TBC1D32: variants seen among roughly 807,000 people sequenced by gnomAD.
TBC1D32 encodes the protein protein broad-minded.
Under a neutral mutation model 170.3 loss-of-function variants are expected in TBC1D32, and 151 were observed. The observed-to-expected ratio is 0.89, with a 90% confidence interval of 0.78 to 1.01. TBC1D32 has a LOEUF of 1.01. Ranked by LOEUF, TBC1D32 falls within the 50% of genes least tolerant of loss-of-function variation. TBC1D32 has a pLI of 0.00. For missense variants in TBC1D32, 1,464 were observed against 1,457.1 expected, an observed-to-expected ratio of 1.00 and a Z score of -0.08; for synonymous variants, 498 against 488.0, an observed-to-expected ratio of 1.02 and a Z score of -0.27.
intron 17 of TBC1D32, among the ~76,000 whole-genome samples, chr6:121,244,512 T>C (rs1797373009): frequency 6.6e-6 from 1 of 152,160 alleles, no homozygotes; most frequent in African/African-American, 2.4e-5. Flanking sequence ...TTCAGGCCAC[T>C]GAGGTAAAGT....
At chr6:121,092,058 T>A (rs1048282290) in intron 30 of TBC1D32, among the ~76,000 whole-genome samples, 1 of 152,250 alleles carries the variant, frequency 6.6e-6, no homozygotes, top group South Asian at 2.1e-4. Context: ...CCTTAGCAAC[T>A]ATGGAGTGAA....
At chr6:121,106,886 T>G in intron 29 of TBC1D32, among the ~76,000 whole-genome samples, 1 of 151,990 alleles carries the variant, frequency 6.6e-6, no homozygotes, top group Non-Finnish European at 1.5e-5. Flanking sequence ...AATTTAGTTC[T>G]TAGGCACAAT....
chr6:121,311,765 G>A (rs1365351560), intron 3 of TBC1D32, among the ~76,000 whole-genome samples: 1 of 151,964 alleles, frequency 6.6e-6, no homozygotes, highest in Non-Finnish European at 1.5e-5. Flanking sequence ...ACAGATTCTG[G>A]CAAGGCTGTG....
intron 15 of TBC1D32, among the ~76,000 whole-genome samples, chr6:121,257,724 T>A (rs4946557): frequency 0.033 from 4,993 of 152,120 alleles, 194 homozygotes; most frequent in East Asian, 0.12. Context: ...AAACCCATGT[T>A]TTTTTTTATA....
chr6:121,093,135 T>C (rs528130110), intron 30 of TBC1D32, among the ~76,000 whole-genome samples: 117 of 152,242 alleles, frequency 7.7e-4, no homozygotes, highest in African/African-American at 2.7e-3. Flanking sequence ...ATATATTAAA[T>C]TCTCCTTGGT....
intron 22 of TBC1D32, among the ~76,000 whole-genome samples, chr6:121,200,777 G>A (rs1024715823): frequency 2.0e-5 from 3 of 151,472 alleles, no homozygotes; most frequent in Non-Finnish European, 2.9e-5. Context: ...TGTGTTGAAG[G>A]ATGGGTTGAA....
chr6:121,174,420 C>A (rs1468335514), intron 22 of TBC1D32, among the ~76,000 whole-genome samples: 2 of 152,030 alleles, frequency 1.3e-5, no homozygotes, highest in African/African-American at 4.8e-5. Flanking sequence ...TAAACTGAAT[C>A]AAAAGAGTCA....
At chr6:121,122,301 T>TC (rs1476118568) in intron 26 of TBC1D32, among the ~76,000 whole-genome samples, 1 of 152,014 alleles carries the variant, frequency 6.6e-6, no homozygotes, top group African/African-American at 2.4e-5. Context: ...TCGTTTCTCT[T>TC]CCTTCAGTCA....
At chr6:121,308,248 CT>C in intron 4 of TBC1D32, 147 bp from the exon 5 acceptor site, 1 of 795,600 alleles carries the variant, frequency 1.3e-6, no homozygotes, top group Non-Finnish European at 1.9e-6. Flanking sequence ...TTAAAAAGCT[CT>C]TGAGAAATCA....
At chr6:121,331,475 C>A (rs1811211438) in intron 1 of TBC1D32, among the ~76,000 whole-genome samples, 1 of 151,904 alleles carries the variant, frequency 6.6e-6, no homozygotes, top group Non-Finnish European at 1.5e-5. Flanking sequence ...CTGCCTTGGC[C>A]TCTCAAAGTG....
intron 22 of TBC1D32, chr6:121,170,488 GAGA>G: frequency 6.2e-7 from 1 of 1,606,866 alleles, no homozygotes; most frequent in East Asian, 2.2e-5. Context: ...CCTCTAACAG[GAGA>G]AGAGTGTCCA....
intron 19 of TBC1D32, 87 bp from the exon 20 acceptor site, chr6:121,239,275 C>G (rs1385261662): frequency 1.4e-6 from 1 of 701,656 alleles, no homozygotes; most frequent in Admixed American, 2.1e-5. Context: ...TCTGATGAAT[C>G]TGGTCTACTC....
At chr6:121,209,307 TG>T (rs1369238303) in intron 21 of TBC1D32, among the ~76,000 whole-genome samples, 1 of 152,152 alleles carries the variant, frequency 6.6e-6, no homozygotes, top group Non-Finnish European at 1.5e-5. Flanking sequence ...CCTGCCTTAT[TG>T]ATTAGTGTGT....
In TBC1D32 at chr6:121,292,090, G is replaced by A; in HGVS notation, c.1335C>T (p.Gly445=). Reference sequence around the variant, plus strand: ...TCAGCTTAATAGGAAATAGTTTTCTGCCTTGTTTATAGATCAATAATCTTC... The same window carrying A: ...TCAGCTTAATAGGAAATAGTTTTCTACCTTGTTTATAGATCAATAATCTTC... ...LLGRLLIYKQ[G]RKLFPIKLKN... Residue 445 remains glycine (G), a synonymous_variant, in exon 12 of 32, where the codon GGC becomes GGT. Transcript: ENST00000398212. The A allele has an allele frequency of 6.3e-7, 1 of 1,594,434 alleles. No individual in the cohort carries two copies.
At chr6:121,126,610 T>G (rs1212222834) in intron 25 of TBC1D32, 149 bp from the exon 26 acceptor site, 1 of 518,292 alleles carries the variant, frequency 1.9e-6, no homozygotes, top group Non-Finnish European at 3.4e-6. Flanking sequence ...ACTGTTTTAG[T>G]ATTCATAACA....
chr6:121,331,714 G>A (rs926175234), intron 1 of TBC1D32, among the ~76,000 whole-genome samples: 2 of 152,098 alleles, frequency 1.3e-5, no homozygotes, highest in African/African-American at 4.8e-5. Flanking sequence ...GAAAGAAAAA[G>A]AAATGGAAAT....
chr6:121,219,847 C>T (rs994292859), intron 21 of TBC1D32, among the ~76,000 whole-genome samples: 13 of 152,364 alleles, frequency 8.5e-5, no homozygotes, highest in Admixed American at 6.5e-5. Context: ...ATTTTGGTAA[C>T]TGTCACAATA....
intron 4 of TBC1D32, among the ~76,000 whole-genome samples, chr6:121,308,683 C>CTTTTTTTT (rs1323383540): frequency 2.1e-5 from 1 of 47,256 alleles, no homozygotes; most frequent in East Asian, 1.2e-3. Flanking sequence ...AGAAAGCTTA[C>CTTTTTTTT]TTCTTTTTTT....
At chr6:121,319,597 T>A (rs1809407458) in intron 2 of TBC1D32, among the ~76,000 whole-genome samples, 1 of 152,104 alleles carries the variant, frequency 6.6e-6, no homozygotes, top group African/African-American at 2.4e-5. Flanking sequence ...AATAAAGAAC[T>A]ATAAAAGTAA....
Sources: gnomAD v4.1 joint callset for allele counts (sites outside exome capture counted in the v4.1 genomes callset) on GRCh38, gnomAD v4.1.1 for gene constraint, MANE v1.5 for transcripts, NCBI Gene and HGNC (gene_info 2026-07-23, HGNC 2026-07-21) for gene names.